The following MSI2 variants were observed in gnomAD, a reference collection of about 807,000 sequenced individuals.
The protein encoded by MSI2 is RNA-binding protein Musashi homolog 2.
In MSI2, 17 loss-of-function variants were observed where a neutral mutation model predicts 45.6. The ratio of observed to expected loss-of-function variants is 0.37; its 90% CI spans 0.26 to 0.56. The LOEUF is 0.56. Among genes scored for constraint, MSI2 ranks in the 20% least tolerant of loss-of-function variants. The pLI, the probability that MSI2 is intolerant of heterozygous loss-of-function variation, is 0.77. For missense variants in MSI2, 293 were observed against 444.2 expected, an observed-to-expected ratio of 0.66 and a Z score of 3.06; for synonymous variants, 156 against 158.2, an observed-to-expected ratio of 0.99 and a Z score of 0.11.
At chr17:57,328,297 C>T (rs1474327088) in intron 5 of MSI2, among the ~76,000 whole-genome samples, 1 of 147,352 alleles carries the variant, frequency 6.8e-6, no homozygotes, top group Non-Finnish European at 1.5e-5. Flanking sequence ...ATGCAGCCAT[C>T]CATCCATGCA....
chr17:57,699,122 AGATGACTCTAATG>A, the MSI2 span, among the ~76,000 whole-genome samples: 1 of 52,560 alleles, frequency 1.9e-5, no homozygotes, highest in Non-Finnish European at 3.2e-5. Flanking sequence ...GGCCACTCTC[AGATGACTCTAATG>A]AGGAAGAGGC....
Position 57,639,033 on chromosome 17 carries a change from C to G in MSI2, c.727+11730C>G, listed in dbSNP as rs532898538. Among the ~76,000 whole-genome samples the G allele has an allele frequency of 2.7e-4, 41 of 152,252 alleles. 1 individual carries two copies. The South Asian group carries it at 8.3e-3, about 31-fold the overall frequency. On this transcript the variant is annotated intron_variant, in intron 10 of 13. Coordinates refer to ENST00000284073, the MANE Select transcript of MSI2 (RefSeq NM_138962.4). ...GTAGACTGCCATTTTCTTGCTCTGT[C>G]CTTTCATGGTCAAAGAGGTGGCCAG... is the stretch of plus-strand genomic sequence containing the variant.
At chr17:57,701,027 C>T in the MSI2 span, among the ~76,000 whole-genome samples, 3 of 152,166 alleles carry the variant, frequency 2.0e-5, no homozygotes, top group African/African-American at 7.2e-5. Flanking sequence ...GAATTGTCCT[C>T]CCCGGAAAAG....
At chr17:57,574,975 T>C (rs987523740) in intron 7 of MSI2, among the ~76,000 whole-genome samples, 9 of 151,952 alleles carry the variant, frequency 5.9e-5, no homozygotes, top group East Asian at 1.9e-4. Context: ...GGACTGCAGG[T>C]GCCCACCACC....
At chr17:57,431,966 G>C (rs530348689) in intron 6 of MSI2, among the ~76,000 whole-genome samples, 8 of 152,202 alleles carry the variant, frequency 5.3e-5, no homozygotes, top group Non-Finnish European at 1.0e-4. Flanking sequence ...CCAGTCTGTA[G>C]GTACAACTTG....
chr17:57,366,434 G>GA (rs1465526224), intron 5 of MSI2, among the ~76,000 whole-genome samples: 1 of 152,220 alleles, frequency 6.6e-6, no homozygotes, highest in African/African-American at 2.4e-5. Flanking sequence ...TCATAACTCT[G>GA]ACCACATGCT....
chr17:57,357,040 C>T (rs568659116), intron 5 of MSI2, among the ~76,000 whole-genome samples: 2 of 152,268 alleles, frequency 1.3e-5, no homozygotes, highest in African/African-American at 2.4e-5. Flanking sequence ...GTAGACCCTT[C>T]CCCGCTTCTC....
chr17:57,268,550 A>C (rs1325840033), intron 5 of MSI2: 1 of 151,932 alleles, frequency 6.6e-6, no homozygotes, highest in African/African-American at 2.4e-5. Flanking sequence ...AAAAAAAAAA[A>C]AACCCAGCCA....
At chr17:57,696,776 T>A in the MSI2 span, among the ~76,000 whole-genome samples, 2 of 152,124 alleles carry the variant, frequency 1.3e-5, no homozygotes. Flanking sequence ...GAATTAGGCA[T>A]TTGGTCAGTG....
At chr17:57,384,316 A>G (rs1290216983) in intron 5 of MSI2, among the ~76,000 whole-genome samples, 3 of 152,126 alleles carry the variant, frequency 2.0e-5, no homozygotes, top group Non-Finnish European at 2.9e-5. Context: ...GAATTATCTG[A>G]AGGCTTGTTC....
chr17:57,576,626 T>A (rs796256065), intron 7 of MSI2, among the ~76,000 whole-genome samples: 11 of 152,096 alleles, frequency 7.2e-5, no homozygotes, highest in Middle Eastern at 3.4e-3. Context: ...CGGTGGTGCA[T>A]GCCTGTAATC....
chr17:57,372,885 C>T (rs1598182742), intron 5 of MSI2, among the ~76,000 whole-genome samples: 2 of 151,696 alleles, frequency 1.3e-5, no homozygotes, highest in African/African-American at 4.9e-5. Context: ...CAAGAGGGAT[C>T]GATCGTATTG....
intron 6 of MSI2, among the ~76,000 whole-genome samples, chr17:57,508,621 C>T (rs1374224953): frequency 6.6e-6 from 1 of 152,178 alleles, no homozygotes; most frequent in Non-Finnish European, 1.5e-5. Flanking sequence ...AGGCCTCTTC[C>T]AAAGCCTATA....
chr17:57,336,099 A>G (rs1354674571), intron 5 of MSI2, among the ~76,000 whole-genome samples: 1 of 152,216 alleles, frequency 6.6e-6, no homozygotes, highest in Non-Finnish European at 1.5e-5. Context: ...GGCACGGGTA[A>G]CGGTGAAGAG....
intron 6 of MSI2, among the ~76,000 whole-genome samples, chr17:57,404,819 T>C (rs2084053563): frequency 6.6e-6 from 1 of 152,100 alleles, no homozygotes. Context: ...ATAACTTAAA[T>C]TGGAGGCTTG....
chr17:57,455,989 CG>C (rs2085106577), intron 6 of MSI2, among the ~76,000 whole-genome samples: 1 of 152,164 alleles, frequency 6.6e-6, no homozygotes, highest in Non-Finnish European at 1.5e-5. Context: ...CTTTGTGTTA[CG>C]GGCCTTGTCA....
At chr17:57,664,475 G>A (rs576170598) in intron 11 of MSI2, among the ~76,000 whole-genome samples, 108 of 152,084 alleles carry the variant, frequency 7.1e-4, no homozygotes, top group African/African-American at 2.4e-3. Flanking sequence ...CTGAGAGTGC[G>A]CCACTGCACT....
At chr17:57,436,336 G>T (rs1445375587) in intron 6 of MSI2, among the ~76,000 whole-genome samples, 1 of 152,232 alleles carries the variant, frequency 6.6e-6, no homozygotes, top group Admixed American at 6.5e-5. Context: ...CTGTGGCACA[G>T]AATATGCACT....
At chr17:57,675,224 G>C (rs566795200) in intron 12 of MSI2, 98 bp downstream of exon 12, 1 of 1,240,062 alleles carries the variant, frequency 8.1e-7, no homozygotes, top group Non-Finnish European at 1.1e-6. Flanking sequence ...CGGGGGCAGA[G>C]GAGAGGACAG....
Sources: allele counts gnomAD v4.1 joint callset (sites outside exome capture counted in the v4.1 genomes callset), GRCh38; gene constraint gnomAD v4.1.1; transcripts MANE v1.5; gene names NCBI Gene and HGNC (gene_info 2026-07-23, HGNC 2026-07-21).